Variants in KDELR1 observed in about 807,000 individuals in gnomAD.
The protein encoded by KDELR1 is ER lumen protein-retaining receptor 1.
KDELR1 carries 16 observed loss-of-function variants against 25.5 expected under a neutral mutation model. The observed-to-expected ratio is 0.63, with a 90% CI of 0.43 to 0.95. The LOEUF is 0.95. Among genes scored for constraint, KDELR1 ranks in the 40% least tolerant of loss-of-function variants. The probability of loss-of-function intolerance (pLI) is 0.00; values close to 1 mark genes in which losing one functional copy is unlikely to be tolerated. For synonymous variants in KDELR1, 121 were observed against 115.0 expected (o/e 1.05, Z -0.33); for missense variants, 159 against 265.2 (o/e 0.60, Z 2.78).
At chr19:48,392,196 C>T (rs1448381289), upstream of KDELR1, among the ~76,000 whole-genome samples, 1 of 137,842 alleles carries the variant, frequency 7.3e-6, no homozygotes, top group African/African-American at 2.8e-5. Flanking sequence ...TCCCTCAGAC[C>T]CAGGACTCCA....
rs1220937419 is a variant in KDELR1 at position 48,390,700 on chromosome 19, C to T, written c.92-176G>A. The T allele has an allele frequency of 8.8e-6, 5 of 565,366 alleles. No individual in the cohort carries two copies. The Admixed American group carries it at 9.2e-5, about 10-fold the overall frequency. 35.0% of individuals were successfully genotyped at this position (565,366 alleles called of 1,614,324 possible). On this transcript the variant is annotated intron_variant, in intron 1 of 4. Coordinates refer to ENST00000330720, the MANE Select transcript of KDELR1 (RefSeq NM_006801.3). ...GGCAGCTCTGGAGTGCAGCTGTCCC[C>T]GGAGGCCTCCCCAGCCCGCCCCGCC...
upstream of KDELR1, among the ~76,000 whole-genome samples, chr19:48,393,067 A>G (rs1162327315): frequency 1.3e-5 from 2 of 152,166 alleles, no homozygotes; most frequent in African/African-American, 4.8e-5. This position sits in a 1 kb window ranked among gnomAD's most constrained non-coding sequence, Gnocchi z 5.6. Context: ...AGAGGGCTGG[A>G]AGGACGGGGT....
intron 3 of KDELR1, among the ~76,000 whole-genome samples, chr19:48,385,383 C>T (rs767154862): frequency 2.6e-5 from 4 of 152,190 alleles, no homozygotes; most frequent in Admixed American, 2.6e-4. Flanking sequence ...CCTGGCCACT[C>T]GCACCAGCAA....
chr19:48,391,933 TTCC>T (rs1970560054), upstream of KDELR1, among the ~76,000 whole-genome samples: 1 of 151,968 alleles, frequency 6.6e-6, no homozygotes, highest in South Asian at 2.1e-4. Flanking sequence ...CCCCACCTAC[TTCC>T]TCCCCTAGAC....
At chr19:48,388,281 T>C (rs1413065163) in intron 3 of KDELR1, among the ~76,000 whole-genome samples, 1 of 152,190 alleles carries the variant, frequency 6.6e-6, no homozygotes, top group Non-Finnish European at 1.5e-5. Flanking sequence ...CACCAGGCAG[T>C]GCTGCAAAGT....
chr19:48,390,759 G>C, intron 1 of KDELR1: 2 of 507,784 alleles, frequency 3.9e-6, no homozygotes, highest in Non-Finnish European at 3.6e-6. Context: ...CCACAGCCAG[G>C]GGGCAGCCCA....
At chr19:48,388,876 G>GAAGGAAGAAAGA (rs1368054333) in intron 3 of KDELR1, among the ~76,000 whole-genome samples, 1 of 144,806 alleles carries the variant, frequency 6.9e-6, no homozygotes, top group East Asian at 2.0e-4. Flanking sequence ...AGAAAGGAAG[G>GAAGGAAGAAAGA]AAGGAAGAAA....
intron 1 of KDELR1, chr19:48,391,005 T>G (rs1245135792): frequency 1.8e-6 from 1 of 543,168 alleles, no homozygotes; most frequent in Non-Finnish European, 3.3e-6. Flanking sequence ...TCCCGGTCCA[T>G]GAACCCTCGG....
chr19:48,396,614 G>C, the KDELR1 span, among the ~76,000 whole-genome samples: 1 of 152,044 alleles, frequency 6.6e-6, no homozygotes, highest in African/African-American at 2.4e-5. Context: ...CAATGGAAAG[G>C]AGGAGCGAAG....
rs898794181 is a variant in KDELR1, at chr19:48,384,605, A to C, written c.352-123T>G. The C allele has an allele frequency of 1.8e-5, 22 of 1,251,664 alleles. No individual in the cohort carries two copies. Among genetic ancestry groups the C allele is most frequent in the African/African-American group, 3.0e-5 (2 of 67,162 alleles). The allele number at this position is 1,251,664 out of a possible 1,614,324, so 77.5% of individuals were successfully genotyped here. ...GAAGGAAGGTGATCCAGGTGCTGCCAAGTGCCAGACACAGTTCTGCCCGAG... is the reference window on the plus strand; with the variant it reads ...GAAGGAAGGTGATCCAGGTGCTGCCCAGTGCCAGACACAGTTCTGCCCGAG... On this transcript the variant is annotated intron_variant, in intron 3 of 4. Transcript: ENST00000330720. The surrounding 1 kb of genome is among the most constrained non-coding windows in gnomAD (Gnocchi z 4.6).
At chr19:48,390,992 T>C (rs938724273) in intron 1 of KDELR1, 9 of 523,854 alleles carry the variant, frequency 1.7e-5, no homozygotes, top group Non-Finnish European at 2.8e-5. Context: ...CATGGTTCCC[T>C]GTTCCCGGTC....
chr19:48,383,334 G>C lies in KDELR1; in HGVS notation c.605-7C>G. 6.4e-7 allele frequency: 1 copy of C among 1,551,884 alleles called. No individual in the cohort carries two copies. The highest frequency in any genetic ancestry group is 1.2e-5 in the South Asian group (1 of 84,078). ...AACTTCTTCCCCTTTAGGACTGTGA[G>C]GAGAGAAAACAGGGAGGGCATTACC... On this transcript the variant is annotated splice_polypyrimidine_tract_variant and splice_region_variant and intron_variant, in intron 4 of 4. Transcript: ENST00000330720.
Position 48,383,220 on chromosome 19 carries a change from G to GAAAGCTCT in KDELR1, c.*65_*72dup. ...TCTTAAAAAAGTCACCCCTGGATGG[G>GAAAGCTCT]AAAGCTCTTCATCTTCTGCCGCCTT... On this transcript the variant is annotated 3_prime_UTR_variant, in exon 5 of 5. Coordinates refer to ENST00000330720, the MANE Select transcript of KDELR1 (RefSeq NM_006801.3). 2.0e-6 allele frequency: 3 copies of GAAAGCTCT among 1,485,466 alleles called. No homozygotes were observed. The highest frequency in any genetic ancestry group is 2.8e-6 in the Non-Finnish European group (3 of 1,087,142). The allele number at this position is 1,485,466 out of a possible 1,614,324, so 92.0% of individuals were successfully genotyped here.
intron 2 of KDELR1, 69 bp downstream of exon 2, chr19:48,390,355 A>G: frequency 1.7e-6 from 2 of 1,155,672 alleles, no homozygotes; most frequent in Non-Finnish European, 2.6e-6. Context: ...CCTCAGACCT[A>G]GGAGTCTGGG....
chr19:48,394,810 C>T (rs1311078319), upstream of KDELR1: 4 of 156,042 alleles, frequency 2.6e-5, no homozygotes, highest in Non-Finnish European at 4.2e-5. This position sits in a 1 kb window ranked among gnomAD's most constrained non-coding sequence, Gnocchi z 5.1. Context: ...CCACCACTGC[C>T]GCCGCCCCGG....
intron 3 of KDELR1, among the ~76,000 whole-genome samples, chr19:48,386,437 T>C (rs1453916179): frequency 7.2e-6 from 1 of 138,478 alleles, no homozygotes; most frequent in Non-Finnish European, 1.5e-5. Flanking sequence ...ATCTATTCCA[T>C]GCTGTTTGAA....
Position 48,382,986 on chromosome 19 carries a change from C to T in KDELR1, c.*307G>A. 1 of 422,860 alleles carries T rather than the reference C, an allele frequency of 2.4e-6. No homozygotes were observed. The highest frequency in any genetic ancestry group is 4.3e-6 in the Non-Finnish European group (1 of 231,960). The allele number at this position is 422,860 out of a possible 1,614,324, so 26.2% of individuals were successfully genotyped here. On this transcript the variant is annotated 3_prime_UTR_variant, in exon 5 of 5. Coordinates refer to ENST00000330720, the MANE Select transcript of KDELR1 (RefSeq NM_006801.3). Reference sequence around the variant, plus strand: ...GGACCCTGCCCCGGCCCATAGGACACTCAAAAACACTTTATAAAAATTGGG... The same window carrying T: ...GGACCCTGCCCCGGCCCATAGGACATTCAAAAACACTTTATAAAAATTGGG...
intron 3 of KDELR1, among the ~76,000 whole-genome samples, chr19:48,386,121 T>G (rs1970494886): frequency 6.6e-6 from 1 of 151,904 alleles, no homozygotes; most frequent in East Asian, 1.9e-4. Context: ...TTTTTTTTTT[T>G]TTTTTTCCTG....
chr19:48,389,507 T>C (rs1970523621), intron 3 of KDELR1, 46 bp downstream of exon 3: 1 of 1,610,002 alleles, frequency 6.2e-7, no homozygotes, highest in African/African-American at 1.3e-5. Context: ...ATAGCTACTC[T>C]GCCACAACCA....
Sources: gnomAD v4.1 joint callset for allele counts (sites outside exome capture counted in the v4.1 genomes callset) on GRCh38, gnomAD v4.1.1 for gene constraint, Gnocchi (gnomAD v3.1) non-coding constraint, MANE v1.5 for transcripts, NCBI Gene and HGNC (gene_info 2026-07-23, HGNC 2026-07-21) for gene names.